The following RTN4 variants were observed in gnomAD, a reference collection of about 807,000 sequenced individuals.
The protein encoded by RTN4 is reticulon 4.
In RTN4, 32 loss-of-function variants were observed where a neutral mutation model predicts 90.4. The ratio of observed to expected loss-of-function variants is 0.35; its 90% confidence interval spans 0.27 to 0.48. The LOEUF is 0.48. RTN4 is among the 20% of genes least tolerant of loss of function. The pLI, the probability that RTN4 is intolerant of heterozygous loss-of-function variation, is 0.99. For missense variants in RTN4, 1,706 were observed against 1,430.2 expected, an observed-to-expected ratio of 1.19 and a Z score of -3.11; for synonymous variants, 629 against 552.5, an observed-to-expected ratio of 1.14 and a Z score of -1.94.
At chr2:55,033,274 T>A (rs1295787892) in intron 1 of RTN4, among the ~76,000 whole-genome samples, 1 of 152,116 alleles carries the variant, frequency 6.6e-6, no homozygotes, top group African/African-American at 2.4e-5. Context: ...ACCTCACCTC[T>A]CATTGATGTA....
chr2:55,084,279 G>A (rs959258691), intron 1 of RTN4, among the ~76,000 whole-genome samples: 10 of 149,682 alleles, frequency 6.7e-5, no homozygotes, highest in African/African-American at 2.5e-4. Context: ...TCATCTGGCT[G>A]TTCCTGAGTT....
the RTN4 span, among the ~76,000 whole-genome samples, chr2:55,132,349 A>G: frequency 6.6e-6 from 1 of 152,096 alleles, no homozygotes; most frequent in Middle Eastern, 3.4e-3. Context: ...CTAAAAATAC[A>G]AAAATTAGCC....
At chr2:55,001,224 G>C (rs1679831710) in intron 3 of RTN4, among the ~76,000 whole-genome samples, 1 of 152,084 alleles carries the variant, frequency 6.6e-6, no homozygotes. Flanking sequence ...CTACACCCAG[G>C]ATAGAACCTT....
At chr2:55,053,696 C>CA (rs66792666), upstream of RTN4, among the ~76,000 whole-genome samples, 70,774 of 141,998 alleles carry the variant, frequency 0.5, 17,268 homozygotes, top group East Asian at 0.76. Context: ...CAAAAAAAAA[C>CA]AAAAAAAAAA....
intron 1 of RTN4, among the ~76,000 whole-genome samples, chr2:55,105,347 A>C (rs1186225965): frequency 6.7e-6 from 1 of 149,058 alleles, no homozygotes; most frequent in East Asian, 2.0e-4. Context: ...CTCCTGCCTC[A>C]GCCTCCTGAG....
chr2:55,132,521 T>C, the RTN4 span, among the ~76,000 whole-genome samples: 1 of 139,376 alleles, frequency 7.2e-6, no homozygotes, highest in African/African-American at 2.7e-5. Flanking sequence ...AAAAACCTTT[T>C]AAATTAAAAG....
At chr2:54,999,350 T>G (rs1679685756) in intron 3 of RTN4, among the ~76,000 whole-genome samples, 1 of 152,184 alleles carries the variant, frequency 6.6e-6, no homozygotes, top group South Asian at 2.1e-4. Flanking sequence ...CAGCCTGCAT[T>G]GTGCATGCCT....
chr2:55,075,961 G>A (rs1330919424), intron 2 of RTN4, among the ~76,000 whole-genome samples: 3 of 152,164 alleles, frequency 2.0e-5, no homozygotes, highest in Admixed American at 1.3e-4. Flanking sequence ...TTAAATCTAA[G>A]ACTTGAAACC....
intron 2 of RTN4, among the ~76,000 whole-genome samples, chr2:55,067,478 T>C (rs1490468360): frequency 6.6e-6 from 1 of 151,972 alleles, no homozygotes; most frequent in African/African-American, 2.4e-5. Flanking sequence ...AGTTGCACGA[T>C]CTCAGCTCAC....
chr2:55,134,842 G>C, the RTN4 span, among the ~76,000 whole-genome samples: 1 of 152,180 alleles, frequency 6.6e-6, no homozygotes, highest in South Asian at 2.1e-4. Context: ...GCCCAGTCCT[G>C]AGGAGGAAAC....
intron 2 of RTN4, among the ~76,000 whole-genome samples, chr2:55,070,937 T>C (rs901842269): frequency 2.6e-5 from 4 of 151,858 alleles, no homozygotes; most frequent in Non-Finnish European, 4.4e-5. Flanking sequence ...CCACCACGCC[T>C]GGCTAATTTT....
chr2:55,012,583 G>A (rs1558802733), intron 3 of RTN4, among the ~76,000 whole-genome samples: 1 of 152,156 alleles, frequency 6.6e-6, no homozygotes, highest in Non-Finnish European at 1.5e-5. Flanking sequence ...TGTTTATTAT[G>A]AAAATCATAT....
upstream of RTN4, among the ~76,000 whole-genome samples, chr2:55,113,088 C>A (rs1664762560): frequency 6.6e-6 from 1 of 152,182 alleles, no homozygotes. Flanking sequence ...AAACCACCAG[C>A]ACTGGTGTGA....
intron 3 of RTN4, among the ~76,000 whole-genome samples, chr2:54,992,990 C>T (rs1030295388): frequency 2.0e-5 from 3 of 146,902 alleles, no homozygotes; most frequent in African/African-American, 5.1e-5. Context: ...AGGAGAATGG[C>T]GTGAACCCGA....
chr2:55,099,079 T>C (rs573717462), intron 1 of RTN4, among the ~76,000 whole-genome samples: 83 of 152,264 alleles, frequency 5.5e-4, no homozygotes, highest in Admixed American at 1.2e-3. Context: ...TTAGAGGCCA[T>C]AGAAAGGGGA....
chr2:55,102,042 G>C (rs940547073), intron 1 of RTN4, among the ~76,000 whole-genome samples: 1 of 151,984 alleles, frequency 6.6e-6, no homozygotes, highest in Non-Finnish European at 1.5e-5. Flanking sequence ...ACAAAAAAAG[G>C]CTTCTGCTTT....
At chr2:55,035,764 G>A (rs1320537300) in intron 1 of RTN4, among the ~76,000 whole-genome samples, 3 of 152,108 alleles carry the variant, frequency 2.0e-5, no homozygotes, top group African/African-American at 7.2e-5. Flanking sequence ...GACTGTTACT[G>A]TAGGTCCTAA....
At chr2:55,063,321 G>A (rs757338018) in intron 2 of RTN4, among the ~76,000 whole-genome samples, 1 of 152,218 alleles carries the variant, frequency 6.6e-6, no homozygotes, top group Non-Finnish European at 1.5e-5. Context: ...AGAATGCTGA[G>A]AAGCAGTAAA....
At chr2:55,135,951 T>C in the RTN4 span, among the ~76,000 whole-genome samples, 5 of 152,184 alleles carry the variant, frequency 3.3e-5, no homozygotes, top group African/African-American at 1.2e-4. Flanking sequence ...GTTTATCCAC[T>C]TGTTAGAGCA....
Sources: allele counts gnomAD v4.1 joint callset (sites outside exome capture counted in the v4.1 genomes callset), GRCh38; gene constraint gnomAD v4.1.1; transcripts MANE v1.5; gene names NCBI Gene and HGNC (gene_info 2026-07-23, HGNC 2026-07-21).